Variants in DEFB128 observed in about 807,000 individuals in gnomAD.
DEFB128 encodes defensin beta 128.
Under a neutral mutation model 2.4 loss-of-function variants are expected in DEFB128, and 1 was observed. The observed-to-expected ratio is 0.41, with a 90% CI of 0.15 to 1.96. DEFB128 has a LOEUF of 1.96. Ranked by LOEUF, DEFB128 falls within the 30% of genes most tolerant of loss-of-function variation. DEFB128 has a pLI of 0.30. For synonymous variants in DEFB128, 59 were observed against 39.1 expected (o/e 1.51, Z -1.89); for missense variants, 129 against 104.9 (o/e 1.23, Z -1.00).
intron 1 of DEFB128, among the ~76,000 whole-genome samples, chr20:189,011 G>A (rs1227359332): frequency 2.0e-5 from 3 of 152,158 alleles, no homozygotes; most frequent in Non-Finnish European, 2.9e-5. Context: ...CCTAGCAAGA[G>A]AGAAGGTAAC....
At chr20:188,528 T>C (rs538065592) in intron 1 of DEFB128, among the ~76,000 whole-genome samples, 27 of 152,288 alleles carry the variant, frequency 1.8e-4, no homozygotes, top group Middle Eastern at 6.8e-3. Flanking sequence ...CATGTCACCA[T>C]TGGCACAACT....
In DEFB128 at chr20:189,641, G is replaced by C. The variant is rs774674636; in HGVS notation, c.-18C>G. The C allele has an allele frequency of 6.2e-7, 1 of 1,613,584 alleles. No homozygotes were observed. The highest frequency in any genetic ancestry group is 1.3e-5 in the African/African-American group (1 of 74,882). On this transcript the variant is annotated 5_prime_UTR_variant, in exon 1 of 2. Coordinates refer to ENST00000334391, the MANE Select transcript of DEFB128 (RefSeq NM_001037732.3). ...AGCTTCATATTTACAGACTTCCCAAGAGAAAGAGGCAGCAGAACTTTGTCC... is the reference window on the plus strand; with the variant it reads ...AGCTTCATATTTACAGACTTCCCAACAGAAAGAGGCAGCAGAACTTTGTCC...
chr20:189,533 G>C (rs369242723), intron 1 of DEFB128, 42 bp downstream of exon 1: 1 of 1,586,532 alleles, frequency 6.3e-7, no homozygotes, highest in African/African-American at 1.3e-5. Context: ...CTTACAAATA[G>C]TAATATCTCT....
In DEFB128 at chr20:188,130, A is replaced by C; in HGVS notation, c.50-12T>G. 6.2e-7 allele frequency: 1 copy of C among 1,612,694 alleles called. No individual in the cohort carries two copies. The highest frequency in any genetic ancestry group is 8.5e-7 in the Non-Finnish European group (1 of 1,179,136). The stretch of plus-strand genomic sequence containing the variant: ...GAGTCTTGCCCCGTCTGTGCATAGG[A>C]AACAACATTGAACCAAGGTTAGTGC... On this transcript the variant is annotated splice_polypyrimidine_tract_variant and intron_variant, in intron 1 of 1. Coordinates refer to ENST00000334391, the MANE Select transcript of DEFB128 (RefSeq NM_001037732.3).
At chr20:188,704 TGTCA>T (rs1336031323) in intron 1 of DEFB128, among the ~76,000 whole-genome samples, 2 of 152,224 alleles carry the variant, frequency 1.3e-5, no homozygotes, top group Non-Finnish European at 2.9e-5. Context: ...TCCTCCTGTC[TGTCA>T]CTCATCACAC....
In DEFB128 at chr20:188,003, A is replaced by T. The variant is rs777788853; in HGVS notation, c.165T>A (p.Asn55Lys). ...GCLSGKLCCA[N>K]DEEEKKHVSF... Reference sequence around the variant, plus strand: ...ACACATGTTTTTTCTCTTCTTCATCATTAGCACAACATAATTTCCCACTTA... The same window carrying T: ...ACACATGTTTTTTCTCTTCTTCATCTTTAGCACAACATAATTTCCCACTTA... Residue 55 changes from asparagine (N) to lysine (K), a missense_variant, in exon 2 of 2, where the codon AAT (asparagine) becomes AAA (lysine). Transcript: ENST00000334391. The T allele has an allele frequency of 3.1e-6, 5 of 1,614,084 alleles. No individual in the cohort carries two copies. Among genetic ancestry groups the T allele is most frequent in the Non-Finnish European group, 4.2e-6 (5 of 1,179,934 alleles).
In DEFB128 at chr20:187,996, C is replaced by G; in HGVS notation, c.172G>C (p.Glu58Gln). The change falls in exon 2 of 2, where the codon GAA (glutamate) becomes CAA (glutamine). Residue 58 changes from glutamate (E) to glutamine (Q), a missense_variant. By Grantham distance (29) the Glu-to-Gln change is conservative. Transcript: ENST00000334391. ...TTAAATGACACATGTTTTTTCTCTT[C>G]TTCATCATTAGCACAACATAATTTC... ...SGKLCCANDE[E>Q]EKKHVSFKKP... 1.2e-6 allele frequency: 2 copies of G among 1,614,072 alleles called. No individual in the cohort carries two copies. Among genetic ancestry groups the G allele is most frequent in the Non-Finnish European group, 1.7e-6 (2 of 1,179,962 alleles).
intron 1 of DEFB128, 123 bp downstream of exon 1, chr20:189,452 C>A: frequency 9.0e-7 from 1 of 1,111,708 alleles, no homozygotes; most frequent in Non-Finnish European, 1.3e-6. Context: ...TCAAGTCAGG[C>A]AACCAGGAGA....
At chr20:189,306 T>A (rs988409478) in intron 1 of DEFB128, among the ~76,000 whole-genome samples, 6 of 152,108 alleles carry the variant, frequency 3.9e-5, no homozygotes, top group African/African-American at 1.4e-4. Flanking sequence ...GGCTCTCAGG[T>A]GAAAACTGTG....
chr20:188,854 C>T (rs1353427210), intron 1 of DEFB128, among the ~76,000 whole-genome samples: 1 of 152,140 alleles, frequency 6.6e-6, no homozygotes, highest in African/African-American at 2.4e-5. Flanking sequence ...TCCTTATTTG[C>T]CCCTCTACCC....
intron 1 of DEFB128, among the ~76,000 whole-genome samples, chr20:188,568 C>T (rs571812783): frequency 6.6e-6 from 1 of 152,222 alleles, no homozygotes; most frequent in African/African-American, 2.4e-5. Context: ...AAGAACATCA[C>T]AAACAAGACT....
In DEFB128 at chr20:187,889, G is replaced by A; in HGVS notation, c.279C>T (p.Val93=). ...IILPTITIFT[V] is the part of the protein sequence containing the mutation. ...GAGACAAGGGCTAGATTTAGGATTAGACTGTGAAAATGGTGATGGTGGGTA... is the reference window on the plus strand; with the variant it reads ...GAGACAAGGGCTAGATTTAGGATTAAACTGTGAAAATGGTGATGGTGGGTA... The change falls in exon 2 of 2, where the codon GTC becomes GTT. Residue 93 remains valine, a synonymous_variant. Coordinates refer to ENST00000334391, the MANE Select transcript of DEFB128 (RefSeq NM_001037732.3). 1 of 1,613,812 alleles carries A rather than the reference G, an allele frequency of 6.2e-7. No homozygotes were observed. The highest frequency in any genetic ancestry group is 8.5e-7 in the Non-Finnish European group (1 of 1,179,822).
At position 189,578 on chromosome 20, in the gene DEFB128, T is replaced by G. The variant is rs746611198; in HGVS notation, c.46A>C (p.Thr16Pro). The G allele has an allele frequency of 1.2e-6, 2 of 1,613,792 alleles. No homozygotes were observed. Among genetic ancestry groups the G allele is most frequent in the Non-Finnish European group, 1.7e-6 (2 of 1,179,746 alleles). The change falls in exon 1 of 2, where the codon ACA (threonine) becomes CCA (proline). Residue 16 changes from threonine to proline, a missense_variant. Thr to Pro is a conservative substitution (Grantham distance 38). Coordinates refer to ENST00000334391, the MANE Select transcript of DEFB128 (RefSeq NM_001037732.3). ...ATAGTACATTTGGACAAGTTACCTGTGAGTACCTCAAACAGCAGAATAATG... is the reference window on the plus strand; with the variant it reads ...ATAGTACATTTGGACAAGTTACCTGGGAGTACCTCAAACAGCAGAATAATG... Reference protein sequence around the residue: ...VLIILLFEVLTDGARLKKCFN... With the variant: ...VLIILLFEVLPDGARLKKCFN...
rs1333083027 is a variant in DEFB128, at chr20:187,956, T to C, written c.212A>G (p.His71Arg). The change falls in exon 2 of 2, where the codon CAT becomes CGT. Residue 71 changes from histidine (H) to arginine (R), a missense_variant. Transcript: ENST00000334391. Reference protein sequence around the residue: ...KHVSFKKPHQHSGEKLSVLQD... With the variant: ...KHVSFKKPHQRSGEKLSVLQD... Reference sequence around the variant, plus strand: ...CAGCACACTCAGCTTCTCACCAGAATGTTGATGTGGCTTCTTAAATGACAC... The same window carrying C: ...CAGCACACTCAGCTTCTCACCAGAACGTTGATGTGGCTTCTTAAATGACAC... 9.3e-6 allele frequency: 15 copies of C among 1,613,970 alleles called. No individual in the cohort carries two copies. The highest frequency in any genetic ancestry group is 1.3e-5 in the Non-Finnish European group (15 of 1,179,966).
intron 1 of DEFB128, among the ~76,000 whole-genome samples, chr20:189,314 G>A (rs1186616409): frequency 6.6e-6 from 1 of 152,148 alleles, no homozygotes; most frequent in Admixed American, 6.6e-5. Flanking sequence ...GGTGAAAACT[G>A]TGTCCAGCAT....
At chr20:188,143 C>CCA in intron 1 of DEFB128, 25 bp from the exon 2 acceptor site, 2 of 1,605,796 alleles carry the variant, frequency 1.2e-6, no homozygotes, top group Non-Finnish European at 1.7e-6. Flanking sequence ...CAACATTGAA[C>CCA]CAAGGTTAGT....
In DEFB128 at chr20:187,936, C is replaced by T. The variant is rs2011111977; in HGVS notation, c.232G>A (p.Val78Met). 1.2e-6 allele frequency: 2 copies of T among 1,613,884 alleles called. No individual in the cohort carries two copies. The highest frequency in any genetic ancestry group is 8.5e-7 in the Non-Finnish European group (1 of 1,179,940). The change falls in exon 2 of 2, where the codon GTG becomes ATG. Residue 78 changes from valine to methionine, a missense_variant. Physicochemically the swap from Val to Met is conservative, Grantham distance 21. Coordinates refer to ENST00000334391, the MANE Select transcript of DEFB128 (RefSeq NM_001037732.3). The part of the protein sequence containing the change: ...PHQHSGEKLS[V>M]LQDYIILPTI... ...GGTAAGATGATGTAATCCTGCAGCA[C>T]ACTCAGCTTCTCACCAGAATGTTGA...
intron 1 of DEFB128, among the ~76,000 whole-genome samples, chr20:188,490 C>T (rs75275594): frequency 0.024 from 3,618 of 152,316 alleles, 117 homozygotes; most frequent in African/African-American, 0.074. Flanking sequence ...TCCCCAGAGA[C>T]GGCTAACATG....
In DEFB128 at chr20:188,652, T is replaced by A. The variant is rs116857455; in HGVS notation, c.50-534A>T. On this transcript the variant is annotated intron_variant, in intron 1 of 1. Coordinates refer to ENST00000334391, the MANE Select transcript of DEFB128 (RefSeq NM_001037732.3). ...TCCCTTTGACAAGATCTCATGGGTCTCAGCAACAGGTGCTATTGAGAACTC... is the reference window on the plus strand; with the variant it reads ...TCCCTTTGACAAGATCTCATGGGTCACAGCAACAGGTGCTATTGAGAACTC... 1.7e-4 allele frequency among the ~76,000 whole-genome samples: 26 copies of A among 152,320 alleles called. 1 individual carries two copies. In the East Asian group the frequency reaches 5.0e-3, roughly 29 times the overall value.
Sources: allele counts gnomAD v4.1 joint callset (sites outside exome capture counted in the v4.1 genomes callset), GRCh38; gene constraint gnomAD v4.1.1; transcripts MANE v1.5; gene names NCBI Gene and HGNC (gene_info 2026-07-23, HGNC 2026-07-21).